Variants in CCDC152 observed in about 807,000 individuals in gnomAD.
CCDC152 encodes the protein coiled-coil domain-containing protein 152.
Under a neutral mutation model 38.1 loss-of-function variants are expected in CCDC152, and 37 were observed. The ratio of observed to expected loss-of-function variants is 0.97; its 90% CI spans 0.75 to 1.28. CCDC152 has a LOEUF of 1.28. CCDC152 is among the 50% of genes most tolerant of loss of function. CCDC152 has a pLI of 0.00. For synonymous variants in CCDC152, 83 were observed against 87.1 expected (o/e 0.95, Z 0.26); for missense variants, 259 against 292.1 (o/e 0.89, Z 0.83).
chr5:42,757,209 T>C (rs10462041), intron 1 of CCDC152, among the ~76,000 whole-genome samples: 33,382 of 151,970 alleles, frequency 0.22, 4,542 homozygotes, highest in Admixed American at 0.35. Flanking sequence ...TTCTGCTAGG[T>C]CCCTAAGGAC....
intron 4 of CCDC152, among the ~76,000 whole-genome samples, chr5:42,774,816 G>A (rs1468442964): frequency 6.6e-6 from 1 of 152,146 alleles, no homozygotes; most frequent in East Asian, 1.9e-4. Flanking sequence ...CACAGAAATG[G>A]CAGGGATATT....
chr5:42,764,928 A>G lies in CCDC152; in HGVS notation c.193+2380A>G, dbSNP rs111655065. 8.0e-3 allele frequency among the ~76,000 whole-genome samples: 1,218 copies of G among 152,334 alleles called. 7 individuals carry two copies. The highest frequency in any genetic ancestry group is 0.013 in the Non-Finnish European group (882 of 68,020). ...AGTACTGGAAGTCCTAGCTAGAGCA[A>G]TCAGACAAGAGAAAGATATAAAGGG... On this transcript the variant is annotated intron_variant, in intron 3 of 8. Coordinates refer to ENST00000361970, the MANE Select transcript of CCDC152 (RefSeq NM_001134848.2).
intron 6 of CCDC152, among the ~76,000 whole-genome samples, chr5:42,784,016 A>G (rs1759885235): frequency 6.6e-6 from 1 of 152,272 alleles, no homozygotes; most frequent in Non-Finnish European, 1.5e-5. Flanking sequence ...GGTTAATTTC[A>G]TGACTTGCTA....
chr5:42,796,124 C>G (rs1222924191), intron 6 of CCDC152, among the ~76,000 whole-genome samples: 1 of 151,852 alleles, frequency 6.6e-6, no homozygotes, highest in Admixed American at 6.6e-5. Context: ...ATAGCATTAG[C>G]AGATATACCT....
In CCDC152 at chr5:42,762,423, G is replaced by T. The variant is rs756661163; in HGVS notation, c.88-20G>T. The T allele has an allele frequency of 5.7e-6, 7 of 1,224,028 alleles. No individual in the cohort carries two copies. In the South Asian group the frequency reaches 9.5e-5, roughly 17 times the overall value. The allele number at this position is 1,224,028 out of a possible 1,614,324, so 75.8% of individuals were successfully genotyped here. On this transcript the variant is annotated intron_variant, in intron 2 of 8. Coordinates refer to ENST00000361970, the MANE Select transcript of CCDC152 (RefSeq NM_001134848.2). ...AGCAGCATTGATTTGTTAATAATAA[G>T]TATTCTATTTCTTCTACAGAAAATG...
intron 1 of CCDC152, among the ~76,000 whole-genome samples, chr5:42,757,106 T>C (rs1018949190): frequency 1.3e-5 from 2 of 151,676 alleles, no homozygotes; most frequent in African/African-American, 4.9e-5. Flanking sequence ...GAGATGCTTT[T>C]CTTCTTATCT....
intron 4 of CCDC152, among the ~76,000 whole-genome samples, chr5:42,775,787 A>C (rs1759761436): frequency 6.6e-6 from 1 of 152,132 alleles, no homozygotes; most frequent in Admixed American, 6.5e-5. Flanking sequence ...TGACATAAGG[A>C]ATGAGAGGAA....
chr5:42,782,688 C>CA (rs1236475243), intron 5 of CCDC152, among the ~76,000 whole-genome samples: 1 of 151,558 alleles, frequency 6.6e-6, no homozygotes, highest in African/African-American at 2.4e-5. Flanking sequence ...GTTCTCACCA[C>CA]AAAAAAGTGA....
chr5:42,788,023 T>C (rs1286800251), intron 6 of CCDC152, among the ~76,000 whole-genome samples: 2 of 152,222 alleles, frequency 1.3e-5, no homozygotes, highest in East Asian at 3.9e-4. Flanking sequence ...TTGTTTGTTT[T>C]ATAGGATCTG....
chr5:42,793,484 A>G (rs970222012), intron 6 of CCDC152, among the ~76,000 whole-genome samples: 1 of 152,238 alleles, frequency 6.6e-6, no homozygotes, highest in Non-Finnish European at 1.5e-5. Flanking sequence ...AGCAAGCTCA[A>G]TTATAAACAT....
chr5:42,799,432 G>T lies in CCDC152; in HGVS notation c.616G>T (p.Val206Phe). 2 of 1,545,630 alleles carry T rather than the reference G, an allele frequency of 1.3e-6. No homozygotes were observed. Among genetic ancestry groups the T allele is most frequent in the Non-Finnish European group, 1.7e-6 (2 of 1,143,808 alleles). ...ATCAAAATCATATCAGGATTCTACTGTTTTGCCACAAAGTATCTACAGAAG... is the reference window on the plus strand; with the variant it reads ...ATCAAAATCATATCAGGATTCTACTTTTTTGCCACAAAGTATCTACAGAAG... The part of the protein sequence containing the change: ...TKSKSYQDST[V>F]LPQSIYRRKL... The change falls in exon 8 of 9, where the codon GTT becomes TTT. Residue 206 changes from valine to phenylalanine, a missense_variant. Val to Phe is a conservative substitution (Grantham distance 50). Coordinates refer to ENST00000361970, the MANE Select transcript of CCDC152 (RefSeq NM_001134848.2).
intron 4 of CCDC152, among the ~76,000 whole-genome samples, chr5:42,773,275 G>A (rs1033587629): frequency 6.6e-6 from 1 of 152,062 alleles, no homozygotes; most frequent in Non-Finnish European, 1.5e-5. Context: ...TTTCAGTAGG[G>A]ACTTATGGAT....
At chr5:42,766,768 G>C (rs757103764) in intron 3 of CCDC152, among the ~76,000 whole-genome samples, 1 of 151,270 alleles carries the variant, frequency 6.6e-6, no homozygotes, top group Non-Finnish European at 1.5e-5. Flanking sequence ...GGGAAGGGTA[G>C]TGGGGGGCTG....
At chr5:42,775,864 T>C (rs1561275292) in intron 4 of CCDC152, among the ~76,000 whole-genome samples, 1 of 150,348 alleles carries the variant, frequency 6.7e-6, no homozygotes, top group Non-Finnish European at 1.5e-5. Flanking sequence ...GATTTGAAAG[T>C]GGACCTGAAT....
At chr5:42,759,058 C>A in intron 1 of CCDC152, 62 bp from the exon 2 acceptor site, 6 of 1,185,858 alleles carry the variant, frequency 5.1e-6, no homozygotes, top group Admixed American at 2.3e-5. Flanking sequence ...GCTATGAACA[C>A]TATTGTGGTG....
At chr5:42,763,000 C>T (rs1759575241) in intron 3 of CCDC152, among the ~76,000 whole-genome samples, 1 of 152,228 alleles carries the variant, frequency 6.6e-6, no homozygotes, top group East Asian at 1.9e-4. Context: ...TAATGCCCCA[C>T]TGACATTGAA....
chr5:42,793,330 T>C (rs1300353921), intron 6 of CCDC152, among the ~76,000 whole-genome samples: 10 of 152,172 alleles, frequency 6.6e-5, no homozygotes, highest in African/African-American at 1.2e-4. Flanking sequence ...TTTGAAGTGA[T>C]AGAAAAATTT....
rs754442007 is a variant in CCDC152 at position 42,801,335 on chromosome 5, G to C, written c.*1554G>C. On this transcript the variant is annotated 3_prime_UTR_variant, in exon 9 of 9. Transcript: ENST00000361970. ...AAAAGTCTTCATCTTTGAGAGTCTG[G>C]AACAAATTTATAAATCACTTTTTAA... 1.3e-6 allele frequency: 2 copies of C among 1,587,816 alleles called. No homozygotes were observed. The highest frequency in any genetic ancestry group is 2.7e-5 in the African/African-American group (2 of 73,698).
chr5:42,800,725 TTG>T lies in CCDC152; in HGVS notation c.*945_*946del, dbSNP rs755297857. 1 of 1,601,582 alleles carries T rather than the reference TTG, an allele frequency of 6.2e-7. No individual in the cohort carries two copies. The highest frequency in any genetic ancestry group is 1.3e-5 in the African/African-American group (1 of 74,630). The stretch of plus-strand genomic sequence containing the variant: ...GTATGTCCTATTTTAAATATTTAGT[TTG>T]AAGGTCATTCTCACTTTTTTGCCTG... On this transcript the variant is annotated 3_prime_UTR_variant, in exon 9 of 9. Transcript: ENST00000361970.
Sources: gnomAD v4.1 joint callset for allele counts (sites outside exome capture counted in the v4.1 genomes callset) on GRCh38, gnomAD v4.1.1 for gene constraint, MANE v1.5 for transcripts, NCBI Gene and HGNC (gene_info 2026-07-23, HGNC 2026-07-21) for gene names.